LHFPL6: variants seen among roughly 807,000 people sequenced by gnomAD.
LHFPL6 encodes LHFPL tetraspan subfamily member 6 protein.
A neutral mutation model predicts 20.6 loss-of-function variants in LHFPL6; 9 were observed. The observed-to-expected ratio is 0.44, with a 90% CI of 0.26 to 0.76. The LOEUF is 0.76. Ranked by LOEUF, LHFPL6 falls within the 30% of genes least tolerant of loss-of-function variation. LHFPL6 has a pLI of 0.20. For synonymous variants in LHFPL6, 105 were observed against 98.7 expected (o/e 1.06, Z -0.38); for missense variants, 218 against 253.5 (o/e 0.86, Z 0.95).
At chr13:39,436,530 A>C (rs529800765) in intron 2 of LHFPL6, among the ~76,000 whole-genome samples, 1 of 152,286 alleles carries the variant, frequency 6.6e-6, no homozygotes, top group African/African-American at 2.4e-5. Flanking sequence ...CTCTGATGGC[A>C]ATTCTTGAGA....
chr13:39,421,472 T>A (rs1282694766), intron 2 of LHFPL6, among the ~76,000 whole-genome samples: 1 of 152,290 alleles, frequency 6.6e-6, no homozygotes, highest in South Asian at 2.1e-4. Context: ...TTAAAAAAAA[T>A]TCTCATTGTC....
intron 2 of LHFPL6, among the ~76,000 whole-genome samples, chr13:39,422,586 CAA>C (rs11311637): frequency 4.9e-4 from 58 of 118,774 alleles, no homozygotes; most frequent in East Asian, 3.2e-3. Context: ...AACTCCAACT[CAA>C]AAAAAAAAAA....
intron 2 of LHFPL6, among the ~76,000 whole-genome samples, chr13:39,549,579 A>C (rs577895548): frequency 6.6e-6 from 1 of 152,242 alleles, no homozygotes; most frequent in African/African-American, 2.4e-5. Context: ...GAAACAAAAA[A>C]TGGTACAGCC....
At chr13:39,453,337 G>C (rs1872497106) in intron 2 of LHFPL6, among the ~76,000 whole-genome samples, 1 of 152,152 alleles carries the variant, frequency 6.6e-6, no homozygotes, top group Admixed American at 6.5e-5. Flanking sequence ...CAAATTAAGA[G>C]GATGAATGAA....
intron 2 of LHFPL6, among the ~76,000 whole-genome samples, chr13:39,431,723 G>GT (rs147700081): frequency 1.1e-4 from 16 of 147,176 alleles, no homozygotes; most frequent in Middle Eastern, 3.5e-3. Flanking sequence ...TTTGTGGGGG[G>GT]GGGGGGCTTC....
At chr13:39,518,376 C>T (rs1869996692) in intron 2 of LHFPL6, among the ~76,000 whole-genome samples, 4 of 152,070 alleles carry the variant, frequency 2.6e-5, no homozygotes, top group Admixed American at 2.6e-4. Context: ...GGCTACTTTC[C>T]CCAGTTAGAT....
At chr13:39,429,275 G>A (rs1308856410) in intron 2 of LHFPL6, among the ~76,000 whole-genome samples, 1 of 151,732 alleles carries the variant, frequency 6.6e-6, no homozygotes, top group African/African-American at 2.4e-5. Flanking sequence ...TTTCCTTGCA[G>A]TTTTATTAAT....
chr13:39,384,627 T>C (rs1172051456), intron 2 of LHFPL6, among the ~76,000 whole-genome samples: 1 of 152,114 alleles, frequency 6.6e-6, no homozygotes, highest in African/African-American at 2.4e-5. Flanking sequence ...GCTCAGAAAA[T>C]TTTCTGGAAT....
At chr13:39,565,263 C>T (rs1244779962) in intron 2 of LHFPL6, among the ~76,000 whole-genome samples, 1 of 130,424 alleles carries the variant, frequency 7.7e-6, no homozygotes, top group African/African-American at 2.5e-5. Flanking sequence ...GATAGTGTAC[C>T]CTTAAAAAAA....
At chr13:39,393,885 G>T (rs918748689) in intron 2 of LHFPL6, among the ~76,000 whole-genome samples, 17 of 152,176 alleles carry the variant, frequency 1.1e-4, no homozygotes, top group African/African-American at 4.1e-4. Context: ...ATCCTCACAC[G>T]GTCTTTCCTC....
At chr13:39,595,041 A>G (rs1026497563) in intron 2 of LHFPL6, among the ~76,000 whole-genome samples, 2 of 152,160 alleles carry the variant, frequency 1.3e-5, no homozygotes, top group African/African-American at 4.8e-5. Flanking sequence ...TGGGTGCAGC[A>G]CACCAACATG....
At chr13:39,419,320 C>G (rs578162073) in intron 2 of LHFPL6, among the ~76,000 whole-genome samples, 8 of 152,216 alleles carry the variant, frequency 5.3e-5, no homozygotes, top group Admixed American at 2.0e-4. Flanking sequence ...TAAGTTTAAG[C>G]TGATGTCACT....
intron 2 of LHFPL6, among the ~76,000 whole-genome samples, chr13:39,493,671 TA>T (rs979659807): frequency 4.6e-5 from 7 of 152,206 alleles, no homozygotes; most frequent in Non-Finnish European, 7.3e-5. Flanking sequence ...AAAGTAATTT[TA>T]TCTGCTTCTA....
At chr13:39,596,510 G>T (rs933622459) in intron 2 of LHFPL6, among the ~76,000 whole-genome samples, 2 of 152,064 alleles carry the variant, frequency 1.3e-5, no homozygotes, top group African/African-American at 2.4e-5. Context: ...TGTTTTAAAA[G>T]GTCCCACAGG....
chr13:39,389,030 C>A (rs745916563), intron 2 of LHFPL6, among the ~76,000 whole-genome samples: 3 of 152,180 alleles, frequency 2.0e-5, no homozygotes, highest in Non-Finnish European at 4.4e-5. Context: ...GAAAGCCAAG[C>A]CGTGCATAGA....
chr13:39,601,196 A>T lies in LHFPL6; in HGVS notation c.21T>A (p.Cys7Ter). The T allele has an allele frequency of 1.9e-6, 3 of 1,612,526 alleles. No individual in the cohort carries two copies. The highest frequency in any genetic ancestry group is 1.7e-6 in the Non-Finnish European group (2 of 1,179,100). ...ACAGCAAAGCCCAGATTACTCCAGT[A>T]CAAGTCAGGCTGGATGCCATCTTTC... is the stretch of plus-strand genomic sequence containing the variant. MASSLT[C>*]TGVIWALLSF... The change falls in exon 2 of 4, where the codon TGT becomes TGA. Residue 7 changes from cysteine to a stop codon, truncating the protein, a stop_gained. Transcript: ENST00000379589. LOFTEE classifies it high-confidence loss of function.
At chr13:39,573,100 G>A (rs1482419139) in intron 2 of LHFPL6, among the ~76,000 whole-genome samples, 1 of 152,126 alleles carries the variant, frequency 6.6e-6, no homozygotes, top group Non-Finnish European at 1.5e-5. Context: ...CTTCTATTGT[G>A]TTTTGAAGAT....
chr13:39,358,630 CA>C (rs1869790370), intron 3 of LHFPL6, among the ~76,000 whole-genome samples: 1 of 152,108 alleles, frequency 6.6e-6, no homozygotes, highest in Admixed American at 6.5e-5. Context: ...AAAATATTCA[CA>C]AACAATGCAT....
rs777598204 is a variant in LHFPL6 at position 39,343,882 on chromosome 13, T to G, written c.*54A>C. 47 of 1,379,870 alleles carry G rather than the reference T, an allele frequency of 3.4e-5. No individual in the cohort carries two copies. The highest frequency in any genetic ancestry group is 4.7e-5 in the Non-Finnish European group (46 of 980,752). The allele number at this position is 1,379,870 out of a possible 1,614,324, so 85.5% of individuals were successfully genotyped here. A position where few individuals can be genotyped will look rare whatever the true frequency, so the allele number is the denominator to read the frequency against. ...TTGAAGGTAGGTGGATGTTTTGACC[T>G]CTCCAAGCCCCTTTGGCCCATCTTC... On this transcript the variant is annotated 3_prime_UTR_variant, in exon 4 of 4. Transcript: ENST00000379589.
Sources: gnomAD v4.1 joint callset for allele counts (sites outside exome capture counted in the v4.1 genomes callset) on GRCh38, gnomAD v4.1.1 for gene constraint, MANE v1.5 for transcripts, NCBI Gene and HGNC (gene_info 2026-07-23, HGNC 2026-07-21) for gene names.